Variants in CIMIP6 observed in about 807,000 individuals in gnomAD.
The protein encoded by CIMIP6 is ciliary microtubule inner protein 6.
chr2:54,340,336 G>GGAGGATGGCTTGAGTAA, the CIMIP6 span, among the ~76,000 whole-genome samples: 35 of 16,620 alleles, frequency 2.1e-3, 13 homozygotes, highest in Non-Finnish European at 5.1e-3. Context: ...ATGGTACACA[G>GGAGGATGGCTTGAGTAA]AACAGTAAAT....
chr2:54,356,341 G>A, the CIMIP6 span, among the ~76,000 whole-genome samples: 1 of 152,114 alleles, frequency 6.6e-6, no homozygotes, highest in South Asian at 2.1e-4. Context: ...AACTGGCTAG[G>A]CAGTTGCTGC....
At chr2:54,336,576 A>G in the CIMIP6 span, among the ~76,000 whole-genome samples, 1 of 152,312 alleles carries the variant, frequency 6.6e-6, no homozygotes, top group East Asian at 1.9e-4. Flanking sequence ...TGTTCTAGAC[A>G]CTAGAGATAC....
chr2:54,348,412 A>G, the CIMIP6 span, among the ~76,000 whole-genome samples: 9 of 152,160 alleles, frequency 5.9e-5, no homozygotes, highest in East Asian at 1.7e-3. Flanking sequence ...TTTTATTGGT[A>G]TTTCTTTTTC....
chr2:54,376,386 C>T, the CIMIP6 span, among the ~76,000 whole-genome samples: 205 of 152,246 alleles, frequency 1.3e-3, no homozygotes, highest in African/African-American at 4.8e-3. Flanking sequence ...ATATTCCTGT[C>T]GTCGTAAGTA....
the CIMIP6 span, among the ~76,000 whole-genome samples, chr2:54,371,553 G>A: frequency 6.6e-6 from 1 of 152,240 alleles, no homozygotes; most frequent in African/African-American, 2.4e-5. Context: ...CACACCAAAG[G>A]CAGCTGTCTG....
chr2:54,371,500 T>A, the CIMIP6 span, among the ~76,000 whole-genome samples: 1 of 152,196 alleles, frequency 6.6e-6, no homozygotes, highest in Non-Finnish European at 1.5e-5. Flanking sequence ...TGGTCCTCAG[T>A]TCTGAGTGGC....
chr2:54,330,906 CCT>C, the CIMIP6 span: 1 of 1,510,394 alleles, frequency 6.6e-7, no homozygotes, highest in South Asian at 1.1e-5. Flanking sequence ...CTTTGCGCAC[CCT>C]TTTCCTGGCA....
the CIMIP6 span, among the ~76,000 whole-genome samples, chr2:54,351,172 C>T: frequency 6.6e-6 from 1 of 152,292 alleles, no homozygotes; most frequent in South Asian, 2.1e-4. Flanking sequence ...AACAATGACT[C>T]ATTTACGAAA....
At chr2:54,358,983 C>T in the CIMIP6 span, 15 of 1,547,896 alleles carry the variant, frequency 9.7e-6, no homozygotes, top group Non-Finnish European at 1.3e-5. Context: ...CCTGGTACAT[C>T]AGCAGAACTT....
chr2:54,356,438 T>G, the CIMIP6 span, among the ~76,000 whole-genome samples: 1 of 152,286 alleles, frequency 6.6e-6, no homozygotes, highest in South Asian at 2.1e-4. Context: ...CTCCCACAAC[T>G]TATTCTTCTT....
At chr2:54,351,959 A>T in the CIMIP6 span, among the ~76,000 whole-genome samples, 2 of 151,924 alleles carry the variant, frequency 1.3e-5, no homozygotes, top group Non-Finnish European at 2.9e-5. Context: ...TGGGCTTACT[A>T]CCTATGGAGC....
chr2:54,358,611 C>G, the CIMIP6 span, among the ~76,000 whole-genome samples: 1 of 152,216 alleles, frequency 6.6e-6, no homozygotes, highest in African/African-American at 2.4e-5. Context: ...CCAGGCTAGT[C>G]CTCAAACTCC....
chr2:54,353,272 C>T, the CIMIP6 span, among the ~76,000 whole-genome samples: 1,835 of 152,248 alleles, frequency 0.012, 39 homozygotes, highest in African/African-American at 0.042. Context: ...GTTAAACAAC[C>T]GTCCCTGATT....
the CIMIP6 span, among the ~76,000 whole-genome samples, chr2:54,377,505 AG>A: frequency 6.6e-6 from 1 of 152,300 alleles, no homozygotes; most frequent in East Asian, 1.9e-4. Context: ...ATAGATTTTC[AG>A]GAATTCTCAG....
the CIMIP6 span, among the ~76,000 whole-genome samples, chr2:54,338,612 G>A: frequency 1.3e-5 from 1 of 74,762 alleles, no homozygotes; most frequent in South Asian, 3.0e-4. Flanking sequence ...ACTGGTTGAC[G>A]GTAATGCTGT....
At chr2:54,346,034 T>C in the CIMIP6 span, among the ~76,000 whole-genome samples, 12 of 152,138 alleles carry the variant, frequency 7.9e-5, no homozygotes, top group South Asian at 2.5e-3. Flanking sequence ...TACTAAACCA[T>C]TTTTTTTCAA....
the CIMIP6 span, chr2:54,381,729 T>A: frequency 3.6e-6 from 5 of 1,376,568 alleles, no homozygotes; most frequent in Non-Finnish European, 4.7e-6. Flanking sequence ...CTTTTGAGGC[T>A]TGAATGACTT....
At chr2:54,353,399 ATAGT>A in the CIMIP6 span, among the ~76,000 whole-genome samples, 3 of 152,202 alleles carry the variant, frequency 2.0e-5, no homozygotes, top group East Asian at 5.8e-4. Context: ...GCCAGGTTAA[ATAGT>A]GACAGTTCTC....
the CIMIP6 span, among the ~76,000 whole-genome samples, chr2:54,343,526 A>G: frequency 6.6e-6 from 1 of 152,204 alleles, no homozygotes; most frequent in Non-Finnish European, 1.5e-5. Context: ...TAAAAATTTG[A>G]CAACTCATTT....
Sources: allele counts gnomAD v4.1 joint callset (sites outside exome capture counted in the v4.1 genomes callset), GRCh38; gene constraint gnomAD v4.1.1; transcripts MANE v1.5; gene names NCBI Gene and HGNC (gene_info 2026-07-23, HGNC 2026-07-21).